The following PTGER3 variants were observed in gnomAD, a reference collection of about 807,000 sequenced individuals.
The protein encoded by PTGER3 is prostaglandin E2 receptor EP3 subtype.
Under a neutral mutation model 34.7 loss-of-function variants are expected in PTGER3, and 22 were observed. That is an observed-to-expected ratio of 0.63 (90% CI 0.45 to 0.91). The LOEUF is 0.91. Ranked by LOEUF, PTGER3 falls within the 40% of genes least tolerant of loss-of-function variation. The probability of loss-of-function intolerance (pLI) is 0.00; values close to 1 mark genes in which losing one functional copy is unlikely to be tolerated. For missense variants in PTGER3, 468 were observed against 519.4 expected, an observed-to-expected ratio of 0.90 and a Z score of 0.96; for synonymous variants, 241 against 230.1, an observed-to-expected ratio of 1.05 and a Z score of -0.43.
Position 70,952,999 on chromosome 1 carries a change from G to A in PTGER3, c.1165C>T (p.Gln389Ter). The change falls in exon 4 of 4, where the codon CAA (glutamine) becomes TAA (stop). Residue 389 changes from glutamine to a stop codon, truncating the protein, a stop_gained. Transcript: ENST00000356595. LOFTEE classifies it low-confidence loss of function (END_TRUNC). ...TCTCTGTTCAGCACACGATAGGTTT[G>A]TACTTGCCCACAATGTGCAGTTGCC... 6.2e-7 allele frequency: 1 copy of A among 1,612,330 alleles called. No homozygotes were observed. Among genetic ancestry groups the A allele is most frequent in the South Asian group, 1.1e-5 (1 of 90,902 alleles).
intron 4 of PTGER3, among the ~76,000 whole-genome samples, chr1:70,932,407 C>CT (rs1421786779): frequency 8.5e-5 from 13 of 152,154 alleles, no homozygotes; most frequent in African/African-American, 1.2e-4. Context: ...CCACACTCTA[C>CT]TGGTACCAAT....
At chr1:71,017,431 C>G (rs1658005073) in intron 1 of PTGER3, among the ~76,000 whole-genome samples, 1 of 152,136 alleles carries the variant, frequency 6.6e-6, no homozygotes, top group Non-Finnish European at 1.5e-5. Context: ...ATCCATCAGA[C>G]TTCTAACCTA....
intron 4 of PTGER3, among the ~76,000 whole-genome samples, chr1:70,887,310 G>GTATA (rs1185779373): frequency 6.6e-6 from 1 of 152,116 alleles, no homozygotes; most frequent in South Asian, 2.1e-4. Context: ...GCATGACTTG[G>GTATA]TATAGTCTGT....
rs1044674486 is a variant in PTGER3, at chr1:71,039,512, T to C, written c.897+7169A>G. ...AAAAATAGAAAAAATTAGCCGGGTG[T>C]GGTGGTGGGCGCCTGTAGTCCCAGC... On this transcript the variant is annotated intron_variant, in intron 1 of 3. Transcript: ENST00000306666. 1.1e-4 allele frequency among the ~76,000 whole-genome samples: 16 copies of C among 151,250 alleles called. No individual in the cohort carries two copies. In the East Asian group the frequency reaches 2.9e-3, roughly 28 times the overall value.
At chr1:70,989,845 C>T (rs1313188198) in intron 2 of PTGER3, among the ~76,000 whole-genome samples, 1 of 152,030 alleles carries the variant, frequency 6.6e-6, no homozygotes, top group African/African-American at 2.4e-5. Flanking sequence ...TATTGAAGTG[C>T]CTTCTGAATT....
At chr1:70,938,928 T>A (rs1400603332) in intron 4 of PTGER3, among the ~76,000 whole-genome samples, 1 of 152,094 alleles carries the variant, frequency 6.6e-6, no homozygotes, top group East Asian at 1.9e-4. Flanking sequence ...TCAAAACCAG[T>A]CATGCCTTCC....
chr1:70,874,544 C>T (rs1646233267), intron 4 of PTGER3, among the ~76,000 whole-genome samples: 1 of 152,078 alleles, frequency 6.6e-6, no homozygotes, highest in Non-Finnish European at 1.5e-5. Flanking sequence ...AATATTACTT[C>T]TTTGTGTTTG....
intron 2 of PTGER3, among the ~76,000 whole-genome samples, chr1:70,964,175 C>T (rs1019775714): frequency 2.0e-5 from 3 of 152,110 alleles, no homozygotes; most frequent in Non-Finnish European, 4.4e-5. Context: ...CATACTTTCC[C>T]GCATCTTTCT....
intron 4 of PTGER3, among the ~76,000 whole-genome samples, chr1:70,894,816 A>G (rs935971397): frequency 1.3e-5 from 2 of 152,192 alleles, no homozygotes; most frequent in Non-Finnish European, 2.9e-5. Flanking sequence ...GATAAAACTA[A>G]TACCCAGGGA....
intron 1 of PTGER3, among the ~76,000 whole-genome samples, chr1:71,046,240 T>G (rs1660784085): frequency 7.6e-6 from 1 of 131,876 alleles, no homozygotes; most frequent in Non-Finnish European, 1.5e-5. Flanking sequence ...GAGCCGAGGC[T>G]GCGCCACTGT....
downstream of PTGER3, among the ~76,000 whole-genome samples, chr1:70,966,450 T>C (rs530522806): frequency 6.6e-6 from 1 of 152,288 alleles, no homozygotes; most frequent in South Asian, 2.1e-4. Flanking sequence ...TGCAGGCTTA[T>C]ATTTATCTAG....
chr1:71,000,995 A>G (rs1422800235), intron 2 of PTGER3, among the ~76,000 whole-genome samples: 4 of 152,166 alleles, frequency 2.6e-5, no homozygotes, highest in African/African-American at 9.7e-5. Context: ...GTGTGAGATA[A>G]CAATATATTA....
chr1:70,970,825 A>G lies in PTGER3; in HGVS notation c.*905T>C. On this transcript the variant is annotated 3_prime_UTR_variant, in exon 4 of 4. Transcript: ENST00000306666. ...AGTTTTTTATTTTAATACAGACAAA[A>G]TAGATTCTTTTATTTTATAAAAACG... is the stretch of plus-strand genomic sequence containing the variant. 1.1e-6 allele frequency: 1 copy of G among 901,604 alleles called. No homozygotes were observed. The allele number at this position is 901,604 out of a possible 1,614,324, so 55.9% of individuals were successfully genotyped here.
intron 2 of PTGER3, chr1:70,953,840 T>A (rs1054545778): frequency 1.1e-6 from 1 of 886,316 alleles, no homozygotes; most frequent in African/African-American, 1.8e-5. Flanking sequence ...ATATGCAAAG[T>A]TCCTAGAAGG....
chr1:70,875,901 C>T (rs180697689), intron 4 of PTGER3, among the ~76,000 whole-genome samples: 1 of 152,210 alleles, frequency 6.6e-6, no homozygotes, highest in Non-Finnish European at 1.5e-5. Context: ...AATAGACATA[C>T]GCACCCATGA....
chr1:70,931,641 C>A (rs2100499518), intron 4 of PTGER3, among the ~76,000 whole-genome samples: 1 of 152,306 alleles, frequency 6.6e-6, no homozygotes, highest in East Asian at 1.9e-4. Context: ...GGGCTTGCAC[C>A]AACTGAAACC....
At chr1:70,976,500 A>T (rs1653717393) in intron 2 of PTGER3, among the ~76,000 whole-genome samples, 1 of 152,152 alleles carries the variant, frequency 6.6e-6, no homozygotes, top group African/African-American at 2.4e-5. Context: ...GCTCCAAAAA[A>T]TAAATTCCAT....
rs145695696 is a variant in PTGER3, at chr1:71,010,535, A to C, written c.1077+1770T>G. ...TCAAATTCACATTGCCTCTGTGTCT[A>C]TCTGACTAGAACTTAGGGTCACAGG... is the stretch of plus-strand genomic sequence containing the variant. On this transcript the variant is annotated intron_variant, in intron 2 of 3. Transcript: ENST00000306666. 1.2e-4 allele frequency: 121 copies of C among 984,660 alleles called. No individual in the cohort carries two copies. In the African/African-American group the frequency reaches 2.0e-3, roughly 16 times the overall value. 61.0% of individuals were successfully genotyped at this position (984,660 alleles called of 1,614,324 possible).
intron 4 of PTGER3, among the ~76,000 whole-genome samples, chr1:70,870,925 T>G (rs1164862548): frequency 6.6e-6 from 1 of 152,204 alleles, no homozygotes; most frequent in Non-Finnish European, 1.5e-5. Flanking sequence ...CTTCCTGTCG[T>G]CTTCTTCTGA....
Sources: allele counts gnomAD v4.1 joint callset (sites outside exome capture counted in the v4.1 genomes callset), GRCh38; gene constraint gnomAD v4.1.1; transcripts MANE v1.5; gene names NCBI Gene and HGNC (gene_info 2026-07-23, HGNC 2026-07-21).